Variants in FBXO25 observed in about 807,000 individuals in gnomAD.
FBXO25 encodes the protein F-box protein 25.
In FBXO25, 45 loss-of-function variants were observed where a neutral mutation model predicts 51.9. The ratio of observed to expected loss-of-function variants is 0.87; its 90% CI spans 0.68 to 1.11. The LOEUF (loss-of-function observed/expected upper bound fraction) is 1.11. FBXO25 is among the 50% of genes most tolerant of loss of function. The pLI is 0.00. For synonymous variants in FBXO25, 199 were observed against 151.0 expected, an observed-to-expected ratio of 1.32 and a Z score of -2.33; for missense variants, 507 against 428.5, an observed-to-expected ratio of 1.18 and a Z score of -1.62.
At chr8:414,780 C>A (rs1483236809) in intron 2 of FBXO25, among the ~76,000 whole-genome samples, 1 of 152,164 alleles carries the variant, frequency 6.6e-6, no homozygotes, top group South Asian at 2.1e-4. Flanking sequence ...ATGACAGCAA[C>A]GCTGGGTACC....
At chr8:445,511 C>T (rs1798684350) in intron 5 of FBXO25, among the ~76,000 whole-genome samples, 1 of 152,168 alleles carries the variant, frequency 6.6e-6, no homozygotes, top group Non-Finnish European at 1.5e-5. Context: ...TAATGTTTGC[C>T]ACATTAGAAA....
chr8:413,778 C>A (rs575119623), intron 2 of FBXO25, among the ~76,000 whole-genome samples: 2 of 152,158 alleles, frequency 1.3e-5, no homozygotes, highest in African/African-American at 2.4e-5. Flanking sequence ...TGGCACAGCC[C>A]AAAAGTTACA....
intron 1 of FBXO25, among the ~76,000 whole-genome samples, chr8:409,820 T>C (rs997107650): frequency 9.2e-5 from 14 of 152,200 alleles, no homozygotes; most frequent in African/African-American, 3.4e-4. Context: ...ACAACACTGC[T>C]CACGCTGATC....
At chr8:457,237 G>A (rs532878559) in intron 7 of FBXO25, among the ~76,000 whole-genome samples, 1 of 152,336 alleles carries the variant, frequency 6.6e-6, no homozygotes, top group East Asian at 1.9e-4. Flanking sequence ...GAACCCCACT[G>A]TCAGGAAGAC....
chr8:470,262 C>G lies in FBXO25; in HGVS notation c.*1458C>G, dbSNP rs1440396810. ...CATCGTCACACAACAATGTGGCCGT[C>G]TCCTTACAACCACTGGTAGTACAGC... On this transcript the variant is annotated 3_prime_UTR_variant, in exon 10 of 10. Transcript: ENST00000350302. The G allele has an allele frequency of 4.6e-5, 7 of 152,156 alleles. No individual in the cohort carries two copies. Among genetic ancestry groups the G allele is most frequent in the Admixed American group, 2.6e-4 (4 of 15,274 alleles). The allele number at this position is 152,156 out of a possible 1,614,324, so 9.4% of individuals were successfully genotyped here.
chr8:426,029 T>G (rs1482077051), intron 2 of FBXO25, among the ~76,000 whole-genome samples: 1 of 152,154 alleles, frequency 6.6e-6, no homozygotes, highest in Non-Finnish European at 1.5e-5. Flanking sequence ...GCACATCTTC[T>G]GCCCGCCTCT....
chr8:416,012 A>G (rs1796777055), intron 2 of FBXO25, among the ~76,000 whole-genome samples: 2 of 152,188 alleles, frequency 1.3e-5, no homozygotes, highest in Admixed American at 6.5e-5. Flanking sequence ...TGTGTAGTCA[A>G]ACATAACGCA....
At chr8:428,154 T>G (rs1161758948) in intron 2 of FBXO25, among the ~76,000 whole-genome samples, 5 of 152,208 alleles carry the variant, frequency 3.3e-5, no homozygotes, top group Admixed American at 2.0e-4. Context: ...TCTCTTCTCT[T>G]CCTTTTCTTG....
At position 477,562 on chromosome 8, in the gene FBXO25, G is replaced by GAAAC. The variant is rs1234888794; in HGVS notation, c.*8761_*8764dup. ...CGTGGGGCTGGGAGTAACTATAAATGAAACAAGATTGGCCGGGAATTTGAG... is the reference window on the plus strand; with the variant it reads ...CGTGGGGCTGGGAGTAACTATAAATGAAACAAACAAGATTGGCCGGGAATTTGAG... On this transcript the variant is annotated 3_prime_UTR_variant, in exon 10 of 10. Transcript: ENST00000350302. The GAAAC allele has an allele frequency of 2.0e-5, 3 of 152,252 alleles. No homozygotes were observed. Among genetic ancestry groups the GAAAC allele is most frequent in the Non-Finnish European group, 4.4e-5 (3 of 68,040 alleles). 9.4% of individuals were successfully genotyped at this position (152,252 alleles called of 1,614,324 possible).
chr8:432,787 G>C, intron 3 of FBXO25, 99 bp from the exon 4 acceptor site: 1 of 1,334,352 alleles, frequency 7.5e-7, no homozygotes, highest in Non-Finnish European at 9.9e-7. Context: ...TAGTAAGTCA[G>C]ATAATTTTGT....
chr8:425,514 A>T (rs988849706), intron 2 of FBXO25, among the ~76,000 whole-genome samples: 8 of 151,474 alleles, frequency 5.3e-5, no homozygotes, highest in African/African-American at 1.9e-4. Flanking sequence ...ACTTAATAAT[A>T]TCTGCTTTTA....
Position 458,483 on chromosome 8 carries a change from T to A in FBXO25, c.775T>A (p.Leu259Met), listed in dbSNP as rs775144842. The A allele has an allele frequency of 6.2e-6, 10 of 1,613,998 alleles. No individual in the cohort carries two copies. The highest frequency in any genetic ancestry group is 8.5e-6 in the Non-Finnish European group (10 of 1,180,012). The stretch of plus-strand genomic sequence containing the variant: ...CACCTTAGGCCAGGTGACCCCCACG[T>A]TGTATATGCTTAGTGAAGACAGACA... The part of the protein sequence containing the change: ...IITLGQVTPT[L>M]YMLSEDRQLW... Residue 259 changes from leucine (L) to methionine (M), a missense_variant, in exon 8 of 10, where the codon TTG (leucine) becomes ATG (methionine). Physicochemically the swap from Leu to Met is conservative, Grantham distance 15. Coordinates refer to ENST00000350302, the MANE Select transcript of FBXO25 (RefSeq NM_183420.2).
At chr8:449,849 A>T (rs554754742) in intron 5 of FBXO25, 141 bp from the exon 6 acceptor site, 3 of 633,216 alleles carry the variant, frequency 4.7e-6, no homozygotes, top group Admixed American at 3.0e-5. Flanking sequence ...ACTGTTTCCT[A>T]TACTTGGACT....
At position 469,053 on chromosome 8, in the gene FBXO25, G is replaced by A. The variant is rs938457880; in HGVS notation, c.*249G>A. The A allele has an allele frequency of 6.1e-5, 28 of 458,734 alleles. No homozygotes were observed. Among genetic ancestry groups the A allele is most frequent in the Middle Eastern group, 5.7e-4 (1 of 1,744 alleles). 28.4% of individuals were successfully genotyped at this position (458,734 alleles called of 1,614,324 possible). The stretch of plus-strand genomic sequence containing the variant: ...AGCATATTAAAATGTGAAATTTTGC[G>A]TACTCTCTCTCTCTATATATATAGT... On this transcript the variant is annotated 3_prime_UTR_variant, in exon 10 of 10. Transcript: ENST00000350302.
At position 451,317 on chromosome 8, in the gene FBXO25, A is replaced by AC. The variant is rs1342487510; in HGVS notation, c.526dup (p.Leu176ProfsTer10). The AC allele has an allele frequency of 6.2e-7, 1 of 1,613,168 alleles. No individual in the cohort carries two copies. The highest frequency in any genetic ancestry group is 8.5e-7 in the Non-Finnish European group (1 of 1,179,784). On this transcript the variant is annotated frameshift_variant, in exon 7 of 10. Transcript: ENST00000350302. LOFTEE classifies it high-confidence loss of function. ...CGCTTAATCAAAGATCTTCTGCAAG[A>AC]CCTAAGCTCTACCCTCTGCATTCTT...
At chr8:414,839 C>T (rs527680629) in intron 2 of FBXO25, among the ~76,000 whole-genome samples, 32 of 152,292 alleles carry the variant, frequency 2.1e-4, no homozygotes, top group African/African-American at 7.2e-4. Context: ...CCTTTTACCC[C>T]ACCTAGTTGC....
intron 5 of FBXO25, among the ~76,000 whole-genome samples, chr8:438,208 C>T (rs942151243): frequency 2.2e-4 from 33 of 152,150 alleles, no homozygotes; most frequent in African/African-American, 4.1e-4. Context: ...GCATGCACCA[C>T]GATGCCTGGC....
chr8:431,360 G>T lies in FBXO25; in HGVS notation c.154G>T (p.Gly52Ter). The T allele has an allele frequency of 6.6e-7, 1 of 1,513,726 alleles. No individual in the cohort carries two copies. The highest frequency in any genetic ancestry group is 8.9e-7 in the Non-Finnish European group (1 of 1,120,070). 93.8% of individuals were successfully genotyped at this position (1,513,726 alleles called of 1,614,324 possible). A position where few individuals can be genotyped will look rare whatever the true frequency, so the allele number is the denominator to read the frequency against. The change falls in exon 3 of 10, where the codon GGA (glycine) becomes TGA (stop). Residue 52 changes from glycine (G) to a stop codon, truncating the protein, a stop_gained. Coordinates refer to ENST00000350302, the MANE Select transcript of FBXO25 (RefSeq NM_183420.2). LOFTEE classifies it high-confidence loss of function. ...TTTCAGTATCTTAAATAGTGAAGAT[G>T]GAGAAATATTCAATAATGAAGAGCA... ...SHSIILNSED[G>*]EIFNNEEHEY...
rs1800433222 is a variant in FBXO25 at position 470,140 on chromosome 8, T to G, written c.*1336T>G. 1 of 152,142 alleles carries G rather than the reference T, an allele frequency of 6.6e-6. No homozygotes were observed. Among genetic ancestry groups the G allele is most frequent in the Admixed American group, 6.5e-5 (1 of 15,270 alleles). The allele number at this position is 152,142 out of a possible 1,614,324, so 9.4% of individuals were successfully genotyped here. Reference sequence around the variant, plus strand: ...ATGTTATTTGGAAACTTGGCTTTTATTAGCTCCACAGAATCACCCAGATGG... The same window carrying G: ...ATGTTATTTGGAAACTTGGCTTTTAGTAGCTCCACAGAATCACCCAGATGG... On this transcript the variant is annotated 3_prime_UTR_variant, in exon 10 of 10. Coordinates refer to ENST00000350302, the MANE Select transcript of FBXO25 (RefSeq NM_183420.2).
Sources: allele counts gnomAD v4.1 joint callset (sites outside exome capture counted in the v4.1 genomes callset), GRCh38; gene constraint gnomAD v4.1.1; transcripts MANE v1.5; gene names NCBI Gene and HGNC (gene_info 2026-07-23, HGNC 2026-07-21).